Variants in TBC1D5 observed in about 807,000 individuals in gnomAD.
TBC1D5 encodes TBC1 domain family, member 5.
In TBC1D5, 75 loss-of-function variants were observed where a neutral mutation model predicts 100.3. The observed-to-expected ratio is 0.75, with a 90% CI of 0.62 to 0.91. The LOEUF is 0.91. TBC1D5 is among the 40% of genes least tolerant of loss of function. TBC1D5 has a pLI of 0.00. For synonymous variants in TBC1D5, 323 were observed against 325.6 expected, an observed-to-expected ratio of 0.99 and a Z score of 0.09; for missense variants, 910 against 942.4, an observed-to-expected ratio of 0.97 and a Z score of 0.45.
At chr3:17,669,219 C>T (rs952274875) in intron 1 of TBC1D5, among the ~76,000 whole-genome samples, 1 of 152,100 alleles carries the variant, frequency 6.6e-6, no homozygotes, top group Admixed American at 6.5e-5. Context: ...TGAAGAAGGA[C>T]GAGTTTGCTT....
chr3:17,374,416 T>C, intron 12 of TBC1D5, 55 bp downstream of exon 12: 1 of 1,508,014 alleles, frequency 6.6e-7, no homozygotes, highest in Non-Finnish European at 9.0e-7. Context: ...TTGTTATTTA[T>C]TGAAAGCATT....
At chr3:17,691,818 C>T (rs976148291) in intron 1 of TBC1D5, among the ~76,000 whole-genome samples, 2 of 148,036 alleles carry the variant, frequency 1.4e-5, no homozygotes, top group African/African-American at 5.0e-5. Context: ...AGTGAGACTC[C>T]GTCTCAACAA....
At chr3:17,200,385 T>C (rs1395804108) in intron 18 of TBC1D5, among the ~76,000 whole-genome samples, 1 of 152,228 alleles carries the variant, frequency 6.6e-6, no homozygotes, top group African/African-American at 2.4e-5. Flanking sequence ...CATTACCACC[T>C]GAGTCCCACC....
At chr3:17,183,116 A>G (rs546387552) in intron 19 of TBC1D5, among the ~76,000 whole-genome samples, 10 of 152,122 alleles carry the variant, frequency 6.6e-5, no homozygotes, top group Admixed American at 4.6e-4. Flanking sequence ...TCTCCCCCCA[A>G]CTGGAGAGTA....
intron 2 of TBC1D5, among the ~76,000 whole-genome samples, chr3:17,549,963 G>T (rs761543272): frequency 3.9e-4 from 59 of 150,044 alleles, no homozygotes; most frequent in Admixed American, 2.1e-3. Flanking sequence ...GTAATAATAA[G>T]AATAATAATA....
At chr3:17,601,345 T>C (rs139648161) in intron 2 of TBC1D5, among the ~76,000 whole-genome samples, 1,778 of 152,238 alleles carry the variant, frequency 0.012, 34 homozygotes, top group African/African-American at 0.04. Context: ...ACCCCGTCTC[T>C]ACTAAAAAAT....
chr3:17,232,482 T>C (rs1245101378), intron 17 of TBC1D5, among the ~76,000 whole-genome samples: 1 of 152,176 alleles, frequency 6.6e-6, no homozygotes, highest in African/African-American at 2.4e-5. Context: ...CATGTAGACA[T>C]TATCTGCCTT....
intron 13 of TBC1D5, among the ~76,000 whole-genome samples, chr3:17,327,625 T>C (rs1404861021): frequency 1.3e-5 from 2 of 152,178 alleles, no homozygotes; most frequent in Non-Finnish European, 2.9e-5. Context: ...TACTCAAATG[T>C]TACCAGCTCA....
chr3:17,484,237 T>C (rs552710622), intron 3 of TBC1D5, among the ~76,000 whole-genome samples: 1 of 152,184 alleles, frequency 6.6e-6, no homozygotes, highest in African/African-American at 2.4e-5. Context: ...ATGAAACCTG[T>C]CACACTCCTG....
At chr3:17,158,650 A>C (rs1400111898) in exon 22 of TBC1D5, 1 of 152,068 alleles carries the variant, frequency 6.6e-6, no homozygotes, top group Admixed American at 6.6e-5. Context: ...GACCGAGAGG[A>C]CCTGCCTCTA....
intron 1 of TBC1D5, among the ~76,000 whole-genome samples, chr3:17,673,539 C>T (rs1329688666): frequency 2.0e-5 from 3 of 151,398 alleles, no homozygotes; most frequent in Non-Finnish European, 2.9e-5. Flanking sequence ...TGGTCTCGAT[C>T]GCATGGCTCA....
chr3:17,688,222 C>T (rs1358925070), intron 1 of TBC1D5, among the ~76,000 whole-genome samples: 2 of 151,904 alleles, frequency 1.3e-5, no homozygotes, highest in Non-Finnish European at 2.9e-5. Context: ...TATACAAATA[C>T]ATATACTAGT....
At position 17,167,620 on chromosome 3, in the gene TBC1D5, G is replaced by A. The variant is rs538380059; in HGVS notation, c.1932+129C>T. The stretch of plus-strand genomic sequence containing the variant: ...GGCACAAAGAGGTGGTGATGCAGAA[G>A]GGGCTCTGTCTGGGAGGAAATGAGG... On this transcript the variant is annotated intron_variant, in intron 20 of 21. Transcript: ENST00000253692. 66 of 751,144 alleles carry A rather than the reference G, an allele frequency of 8.8e-5. 1 individual carries two copies. In the Middle Eastern group the frequency reaches 1.2e-3, roughly 13 times the overall value. 46.5% of individuals were successfully genotyped at this position (751,144 alleles called of 1,614,324 possible). A position where few individuals can be genotyped will look rare whatever the true frequency, so the allele number is the denominator to read the frequency against.
intron 18 of TBC1D5, among the ~76,000 whole-genome samples, chr3:17,187,901 G>A (rs2069344960): frequency 1.3e-5 from 2 of 152,232 alleles, no homozygotes; most frequent in Admixed American, 6.5e-5. Flanking sequence ...CCATGCATTA[G>A]TTTAAATTGG....
At chr3:17,213,138 CA>C (rs1230168342) in intron 18 of TBC1D5, among the ~76,000 whole-genome samples, 1 of 152,056 alleles carries the variant, frequency 6.6e-6, no homozygotes, top group East Asian at 1.9e-4. Context: ...TGTTTAGATA[CA>C]AAAATACTTA....
At chr3:17,424,355 T>A (rs545943403) in intron 4 of TBC1D5, among the ~76,000 whole-genome samples, 2 of 151,846 alleles carry the variant, frequency 1.3e-5, no homozygotes, top group Admixed American at 6.6e-5. Flanking sequence ...AGGAGAGGAG[T>A]GGCCTGTGCT....
At chr3:17,321,245 C>A (rs771491984) in intron 13 of TBC1D5, among the ~76,000 whole-genome samples, 20 of 152,040 alleles carry the variant, frequency 1.3e-4, no homozygotes, top group Non-Finnish European at 1.6e-4. Context: ...TTTAAAAAAA[C>A]ATTTTTTGTA....
At position 17,519,301 on chromosome 3, in the gene TBC1D5, G is replaced by A. The variant is rs150838016; in HGVS notation, c.-35-10696C>T. Among the ~76,000 whole-genome samples the A allele has an allele frequency of 6.2e-4, 94 of 152,180 alleles. 1 individual carries two copies. The East Asian group carries it at 9.7e-3, about 16-fold the overall frequency. On this transcript the variant is annotated intron_variant, in intron 2 of 21. Transcript: ENST00000253692. ...TGGAAACTACTTTTAAGTAAAGGAG[G>A]GCACCATCTCCTACTAATTCTCCAT...
chr3:17,447,714 T>C (rs2094833020), intron 3 of TBC1D5, among the ~76,000 whole-genome samples: 1 of 152,222 alleles, frequency 6.6e-6, no homozygotes, highest in African/African-American at 2.4e-5. Flanking sequence ...AGATAAATCA[T>C]ACAGTAGAAT....
Sources: gnomAD v4.1 joint callset for allele counts (sites outside exome capture counted in the v4.1 genomes callset) on GRCh38, gnomAD v4.1.1 for gene constraint, MANE v1.5 for transcripts, NCBI Gene and HGNC (gene_info 2026-07-23, HGNC 2026-07-21) for gene names.